ANKRD18B: variants seen among roughly 807,000 people sequenced by gnomAD.
The protein encoded by ANKRD18B is ankyrin repeat domain-containing protein 18B.
A neutral mutation model predicts 111.8 loss-of-function variants in ANKRD18B; 75 were observed. The observed-to-expected ratio is 0.67, with a 90% CI of 0.56 to 0.81. ANKRD18B has a LOEUF of 0.81. Among genes scored for constraint, ANKRD18B ranks in the 40% least tolerant of loss-of-function variants. ANKRD18B has a pLI of 0.00. For missense variants in ANKRD18B, 1,038 were observed against 1,225.5 expected, an observed-to-expected ratio of 0.85 and a Z score of 2.28; for synonymous variants, 356 against 417.3, an observed-to-expected ratio of 0.85 and a Z score of 1.79.
chr9:33,531,367 C>T (rs1374722909), intron 3 of ANKRD18B, among the ~76,000 whole-genome samples: 1 of 152,160 alleles, frequency 6.6e-6, no homozygotes, highest in Non-Finnish European at 1.5e-5. Context: ...CATTTAGCAA[C>T]ACATTCATAG....
At chr9:33,533,617 C>G (rs1828148328) in intron 4 of ANKRD18B, 72 bp downstream of exon 4, 1 of 1,466,822 alleles carries the variant, frequency 6.8e-7, no homozygotes, top group African/African-American at 1.4e-5. Flanking sequence ...AACAGTCGCT[C>G]AAGTCAGAAA....
chr9:33,564,251 G>A (rs1278272828), intron 14 of ANKRD18B, among the ~76,000 whole-genome samples: 3 of 152,232 alleles, frequency 2.0e-5, no homozygotes, highest in Admixed American at 1.3e-4. Flanking sequence ...CATCAGCCAT[G>A]TTGCCCAGCC....
rs1386842970 is a variant in ANKRD18B, at chr9:33,548,420, T to C, written c.1632T>C (p.Thr544=). 1.3e-6 allele frequency: 2 copies of C among 1,551,212 alleles called. No individual in the cohort carries two copies. The highest frequency in any genetic ancestry group is 2.4e-5 in the East Asian group (1 of 40,916). ...TAACAGATAAGAATGAGTTGCTTACTGAACAGGTCCATAAAGCTCGGGTGA... is the reference window on the plus strand; with the variant it reads ...TAACAGATAAGAATGAGTTGCTTACCGAACAGGTCCATAAAGCTCGGGTGA... ...SQLTDKNELL[T]EQVHKARVKF... Residue 544 remains threonine, a synonymous_variant, in exon 11 of 19, where the codon ACT becomes ACC. Transcript: ENST00000684830.
Position 33,540,083 on chromosome 9 carries a change from C to T in ANKRD18B, c.868C>T (p.Leu290Phe), listed in dbSNP as rs1223728367. ...KTQGASSKVS[L>F]YHQSGVQWHD... ...TTTTTCCTTCGGGGATGTAGTCTCGCTCTATCACCAGTCTGGAGTCCAGTG... is the reference window on the plus strand; with the variant it reads ...TTTTTCCTTCGGGGATGTAGTCTCGTTCTATCACCAGTCTGGAGTCCAGTG... The change falls in exon 8 of 19, where the codon CTC becomes TTC. Residue 290 changes from leucine (L) to phenylalanine (F), a missense_variant. Leu to Phe is a conservative substitution (Grantham distance 22, BLOSUM62 0). This residue lies in a region of ANKRD18B where 93 missense variants were observed against 141.3 expected (regional missense o/e 0.66). Transcript: ENST00000684830. 2 of 151,842 alleles carry T rather than the reference C, an allele frequency of 1.3e-5. No individual in the cohort carries two copies. The highest frequency in any genetic ancestry group is 2.9e-5 in the Non-Finnish European group (2 of 68,010). The allele number at this position is 151,842 out of a possible 1,614,324, so 9.4% of individuals were successfully genotyped here.
intron 10 of ANKRD18B, 38 bp downstream of exon 10, chr9:33,543,293 T>G: frequency 6.6e-7 from 1 of 1,506,918 alleles, no homozygotes; most frequent in East Asian, 2.5e-5. Flanking sequence ...AATATTGGTT[T>G]GTTTGTTTTT....
At chr9:33,524,989 T>C (rs1251689421) in intron 1 of ANKRD18B, among the ~76,000 whole-genome samples, 1 of 152,268 alleles carries the variant, frequency 6.6e-6, no homozygotes, top group Non-Finnish European at 1.5e-5. Context: ...CCATTTTCAG[T>C]AGGCGAAGAG....
At chr9:33,554,869 C>T (rs537388663) in intron 12 of ANKRD18B, among the ~76,000 whole-genome samples, 33 of 152,086 alleles carry the variant, frequency 2.2e-4, no homozygotes, top group Non-Finnish European at 2.5e-4. Context: ...TGTGAAAGCA[C>T]GGATACAGAG....
intron 12 of ANKRD18B, among the ~76,000 whole-genome samples, chr9:33,554,189 GA>G (rs1333545893): frequency 4.6e-5 from 7 of 150,590 alleles, no homozygotes; most frequent in Admixed American, 4.0e-4. Flanking sequence ...GAAAAAGAAA[GA>G]AAGAAAGAAA....
intron 10 of ANKRD18B, among the ~76,000 whole-genome samples, chr9:33,544,331 G>A (rs1398200028): frequency 6.6e-6 from 1 of 152,026 alleles, no homozygotes; most frequent in Non-Finnish European, 1.5e-5. Context: ...TTTCACAGTT[G>A]AGTTTTAATT....
chr9:33,547,171 A>T lies in ANKRD18B; in HGVS notation c.1150-767A>T, dbSNP rs374774682. On this transcript the variant is annotated intron_variant, in intron 10 of 18. Coordinates refer to ENST00000684830, the MANE Select transcript of ANKRD18B (RefSeq NM_001393611.1). ...GTGACAAAGGCAGAAGACACATTTT[A>T]TGCCTGTGTCTTTTTGTTTCTCTGT... Among the ~76,000 whole-genome samples, 7 of 152,236 alleles carry T rather than the reference A, an allele frequency of 4.6e-5. No homozygotes were observed. The East Asian group carries it at 9.6e-4, about 21-fold the overall frequency.
At chr9:33,560,971 A>C (rs1424097554) in intron 14 of ANKRD18B, among the ~76,000 whole-genome samples, 3 of 152,156 alleles carry the variant, frequency 2.0e-5, no homozygotes, top group African/African-American at 7.2e-5. Flanking sequence ...TCTCAAAAAA[A>C]TATAGTAATA....
intron 3 of ANKRD18B, among the ~76,000 whole-genome samples, chr9:33,532,752 A>G (rs1363902400): frequency 6.6e-6 from 1 of 152,132 alleles, no homozygotes; most frequent in Non-Finnish European, 1.5e-5. Flanking sequence ...AGTTTGTGCC[A>G]CCCAGAGGAA....
At chr9:33,573,799 G>A (rs13294958), downstream of ANKRD18B, among the ~76,000 whole-genome samples, 1 of 145,152 alleles carries the variant, frequency 6.9e-6, no homozygotes, top group Non-Finnish European at 1.6e-5. Flanking sequence ...CTAGCCATCA[G>A]GACCTGGCCA....
chr9:33,548,284 C>A lies in ANKRD18B; in HGVS notation c.1496C>A (p.Thr499Asn), dbSNP rs1338034486. 1 of 1,551,134 alleles carries A rather than the reference C, an allele frequency of 6.4e-7. No homozygotes were observed. Among genetic ancestry groups the A allele is most frequent in the East Asian group, 2.4e-5 (1 of 40,898 alleles). Residue 499 changes from threonine (T) to asparagine (N), a missense_variant, in exon 11 of 19, where the codon ACT (threonine) becomes AAT (asparagine). Around this residue, in one of 4 missense-constraint regions of ANKRD18B, gnomAD observed 205 missense variants for 201.3 expected, o/e 1.02. Transcript: ENST00000684830. ...EVESLHSNLA[T>N]AINEYNEILE... ...GAATCCCTCCATTCTAACTTGGCCA[C>A]TGCTATAAATGAGTACAATGAAATT...
At chr9:33,569,775 T>A (rs965352321) in intron 17 of ANKRD18B, among the ~76,000 whole-genome samples, 2 of 152,230 alleles carry the variant, frequency 1.3e-5, no homozygotes, top group African/African-American at 4.8e-5. Context: ...GGCTCACGCC[T>A]GTAATCCCAG....
At position 33,533,476 on chromosome 9, in the gene ANKRD18B, G is replaced by A. The variant is rs535799121; in HGVS notation, c.533G>A (p.Arg178Lys). Residue 178 changes from arginine to lysine, a missense_variant, in exon 4 of 19, where the codon AGG (arginine) becomes AAG (lysine). Physicochemically the swap from Arg to Lys is conservative, Grantham distance 26. Coordinates refer to ENST00000684830, the MANE Select transcript of ANKRD18B (RefSeq NM_001393611.1). Reference protein sequence around the residue: ...NTPLLFAINSRRQHMVEFLLK... With the variant: ...NTPLLFAINSKRQHMVEFLLK... The stretch of plus-strand genomic sequence containing the variant: ...CCACTTTTGTTTGCTATAAATTCCA[G>A]GAGACAGCATATGGTGGAATTTTTA... 3.3e-6 allele frequency: 5 copies of A among 1,533,102 alleles called. No individual in the cohort carries two copies. The highest frequency in any genetic ancestry group is 4.4e-6 in the Non-Finnish European group (5 of 1,140,840). 95.0% of individuals were successfully genotyped at this position (1,533,102 alleles called of 1,614,324 possible). A position where few individuals can be genotyped will look rare whatever the true frequency, so the allele number is the denominator to read the frequency against.
At position 33,572,833 on chromosome 9, in the gene ANKRD18B, A is replaced by G. The variant is rs10971571; in HGVS notation, c.*399A>G. On this transcript the variant is annotated 3_prime_UTR_variant, in exon 19 of 19. Coordinates refer to ENST00000684830, the MANE Select transcript of ANKRD18B (RefSeq NM_001393611.1). ...TAGTTCAATAGTATTTTGTGTGGAG[A>G]TACTTTGAAGCTCTGTAAATATCTG... 0.17 allele frequency: 124,095 copies of G among 735,124 alleles called. 10,781 individuals carry two copies. Among genetic ancestry groups the G allele is most frequent in the Admixed American group, 0.22 (3,710 of 17,200 alleles). 45.5% of individuals were successfully genotyped at this position (735,124 alleles called of 1,614,324 possible).
At chr9:33,560,845 G>C (rs1828595664) in intron 14 of ANKRD18B, among the ~76,000 whole-genome samples, 1 of 152,116 alleles carries the variant, frequency 6.6e-6, no homozygotes, top group East Asian at 1.9e-4. Flanking sequence ...TGTAATCCCA[G>C]GTACTCAGGA....
At chr9:33,540,740 G>A (rs1376301490) in intron 8 of ANKRD18B, among the ~76,000 whole-genome samples, 1 of 152,084 alleles carries the variant, frequency 6.6e-6, no homozygotes, top group East Asian at 1.9e-4. Context: ...GATTTAAGCA[G>A]CTGAAGGCCA....
Sources: allele counts gnomAD v4.1 joint callset (sites outside exome capture counted in the v4.1 genomes callset), GRCh38; gene constraint gnomAD v4.1.1; regional missense constraint gnomAD v4.1.1; transcripts MANE v1.5; gene names NCBI Gene and HGNC (gene_info 2026-07-23, HGNC 2026-07-21).